Variants in MYEF2 observed in about 807,000 individuals in gnomAD.
MYEF2 encodes the protein myelin expression factor 2, also known as myelin gene expression factor 2.
Under a neutral mutation model 75.2 loss-of-function variants are expected in MYEF2, and 37 were observed. That is an observed-to-expected ratio of 0.49 (90% CI 0.38 to 0.65). The LOEUF (loss-of-function observed/expected upper bound fraction) is 0.65, where lower values mean the gene tolerates loss of function less well. MYEF2 is among the 30% of genes least tolerant of loss of function. The probability of loss-of-function intolerance (pLI) is 0.00; values close to 1 mark genes in which losing one functional copy is unlikely to be tolerated. For missense variants in MYEF2, 634 were observed against 771.4 expected (o/e 0.82, Z 2.11); for synonymous variants, 195 against 241.6 (o/e 0.81, Z 1.79).
At chr15:48,172,194 G>A (rs1242819153) in intron 1 of MYEF2, among the ~76,000 whole-genome samples, 2 of 152,130 alleles carry the variant, frequency 1.3e-5, no homozygotes, top group African/African-American at 4.8e-5. Context: ...GAGGTCAGGA[G>A]TTCGAGATGA....
Position 48,138,918 on chromosome 15 carries a change from C to T in MYEF2, c.*3990G>A. On this transcript the variant is annotated 3_prime_UTR_variant, in exon 17 of 17. Coordinates refer to ENST00000324324, the MANE Select transcript of MYEF2 (RefSeq NM_016132.5). ...TAACTTTCTAAATAGGCATTTCTAACTTAATTAGCCATTTGAGAAAACTCA... is the reference window on the plus strand; with the variant it reads ...TAACTTTCTAAATAGGCATTTCTAATTTAATTAGCCATTTGAGAAAACTCA... 1 of 1,363,042 alleles carries T rather than the reference C, an allele frequency of 7.3e-7. No individual in the cohort carries two copies. The highest frequency in any genetic ancestry group is 2.1e-5 in the Admixed American group (1 of 48,370). The allele number at this position is 1,363,042 out of a possible 1,614,324, so 84.4% of individuals were successfully genotyped here.
At chr15:48,166,824 T>C (rs771092914) in intron 3 of MYEF2, among the ~76,000 whole-genome samples, 2 of 152,046 alleles carry the variant, frequency 1.3e-5, no homozygotes, top group Admixed American at 6.6e-5. Context: ...TGCATTCTTA[T>C]TGCTAAAAAT....
At chr15:48,145,783 G>A (rs954684313) in intron 16 of MYEF2, among the ~76,000 whole-genome samples, 1 of 151,788 alleles carries the variant, frequency 6.6e-6, no homozygotes, top group African/African-American at 2.4e-5. Flanking sequence ...ACATAATAAG[G>A]ATATAAGGGA....
chr15:48,159,162 C>T (rs1436358765), intron 6 of MYEF2, among the ~76,000 whole-genome samples: 2 of 151,964 alleles, frequency 1.3e-5, no homozygotes, highest in Non-Finnish European at 2.9e-5. Context: ...CTGCTCAAAC[C>T]TGTTTTGTAC....
At chr15:48,168,266 A>T (rs2040202002) in intron 2 of MYEF2, among the ~76,000 whole-genome samples, 1 of 152,144 alleles carries the variant, frequency 6.6e-6, no homozygotes, top group Non-Finnish European at 1.5e-5. Context: ...TTGGAAAAAA[A>T]ATAAATAATC....
In MYEF2 at chr15:48,143,049, T is replaced by C; in HGVS notation, c.1662A>G (p.Ile554Met). The C allele has an allele frequency of 6.4e-7, 1 of 1,574,266 alleles. No homozygotes were observed. The change falls in exon 17 of 17, where the codon ATA (isoleucine) becomes ATG (methionine). Residue 554 changes from isoleucine to methionine, a missense_variant. Physicochemically the swap from Ile to Met is conservative, Grantham distance 10. Coordinates refer to ENST00000324324, the MANE Select transcript of MYEF2 (RefSeq NM_016132.5). ...CTTTTGACTTTCCATTCTCCATTTT[T>C]ATTTCTGCAAACATTACATGACCTG... ...SQCGHVMFAEIKMENGKSKGC... is the reference protein window; with the variant it reads ...SQCGHVMFAEMKMENGKSKGC...
chr15:48,165,544 C>T (rs2040103263), intron 5 of MYEF2, among the ~76,000 whole-genome samples: 1 of 151,832 alleles, frequency 6.6e-6, no homozygotes, highest in African/African-American at 2.4e-5. Context: ...TATTCAAATC[C>T]ATAACATATT....
Position 48,158,884 on chromosome 15 carries a change from C to T in MYEF2, c.756G>A (p.Val252=). ...FKVGWKKLKE[V]FSIAGTVKRA... ...GCTTCACAGTTCCAGCTATGCTGAA[C>T]ACTTCCTTTAGCTTCTTCCAACCAA... The change falls in exon 7 of 17, where the codon GTG becomes GTA. Residue 252 remains valine, a synonymous_variant. Transcript: ENST00000324324. 6.2e-7 allele frequency: 1 copy of T among 1,613,662 alleles called. No individual in the cohort carries two copies. Among genetic ancestry groups the T allele is most frequent in the South Asian group, 1.1e-5 (1 of 91,054 alleles).
In MYEF2 at chr15:48,136,711, T is replaced by C. The variant is rs768020597; in HGVS notation, c.*6197A>G. ...TGAAGGGGCTTTACTGCTTTTGATA[T>C]ATGGATTGTATGTTTTGGTGCTGTG... On this transcript the variant is annotated 3_prime_UTR_variant, in exon 17 of 17. Transcript: ENST00000324324. 12 of 1,612,062 alleles carry C rather than the reference T, an allele frequency of 7.4e-6. No homozygotes were observed. Among genetic ancestry groups the C allele is most frequent in the South Asian group, 3.3e-5 (3 of 90,828 alleles).
intron 3 of MYEF2, 57 bp from the exon 4 acceptor site, chr15:48,166,185 C>T: frequency 7.3e-7 from 1 of 1,368,902 alleles, no homozygotes; most frequent in Non-Finnish European, 1.0e-6. Flanking sequence ...TAGATCAGTA[C>T]ATGAAGTTAA....
Position 48,134,808 on chromosome 15 carries a change from C to T in MYEF2, c.*8100G>A. 4 of 1,137,426 alleles carry T rather than the reference C, an allele frequency of 3.5e-6. No homozygotes were observed. Among genetic ancestry groups the T allele is most frequent in the Non-Finnish European group, 5.1e-6 (4 of 786,488 alleles). 70.5% of individuals were successfully genotyped at this position (1,137,426 alleles called of 1,614,324 possible). On this transcript the variant is annotated 3_prime_UTR_variant, in exon 17 of 17. Transcript: ENST00000324324. ...CAATATTTAACTACAAATATATAAA[C>T]AATTTTAGTATTATACTAAGGATTG...
Position 48,178,073 on chromosome 15 carries a change from A to G in MYEF2, c.161+4T>C. On this transcript the variant is annotated splice_donor_region_variant and intron_variant, in intron 1 of 16. Transcript: ENST00000324324. The stretch of plus-strand genomic sequence containing the variant: ...GCCCCGGTTCCCGGAGGAAAAGACA[A>G]TACATTTTAACGCCATTGGAGCTGC... 1.3e-6 allele frequency: 2 copies of G among 1,597,056 alleles called. No individual in the cohort carries two copies. The highest frequency in any genetic ancestry group is 1.7e-6 in the Non-Finnish European group (2 of 1,172,126).
chr15:48,173,232 G>T (rs1245445148), intron 1 of MYEF2, among the ~76,000 whole-genome samples: 1 of 152,062 alleles, frequency 6.6e-6, no homozygotes, highest in Non-Finnish European at 1.5e-5. Flanking sequence ...CAGAATGAAG[G>T]ATTTTTTAAA....
At chr15:48,177,936 G>C in intron 1 of MYEF2, 141 bp downstream of exon 1, 1 of 1,155,814 alleles carries the variant, frequency 8.7e-7, no homozygotes, top group African/African-American at 1.6e-5. Flanking sequence ...AGCTGCACCT[G>C]CTCCTCAGGA....
At position 48,135,236 on chromosome 15, in the gene MYEF2, T is replaced by A. The variant is rs2038868351; in HGVS notation, c.*7672A>T. ...CACTGGAGACCACCACTTTTCCTTCTCCCCACTGGCTGCCTATTCAGAAAG... is the reference window on the plus strand; with the variant it reads ...CACTGGAGACCACCACTTTTCCTTCACCCCACTGGCTGCCTATTCAGAAAG... On this transcript the variant is annotated 3_prime_UTR_variant, in exon 17 of 17. Transcript: ENST00000324324. 6.4e-6 allele frequency: 2 copies of A among 310,744 alleles called. No individual in the cohort carries two copies. The highest frequency in any genetic ancestry group is 1.2e-5 in the Non-Finnish European group (2 of 164,522). 19.2% of individuals were successfully genotyped at this position (310,744 alleles called of 1,614,324 possible). A position where few individuals can be genotyped will look rare whatever the true frequency, so the allele number is the denominator to read the frequency against.
chr15:48,169,027 T>C (rs1214793782), intron 1 of MYEF2, among the ~76,000 whole-genome samples, 188 bp from the exon 2 acceptor site: 2 of 152,176 alleles, frequency 1.3e-5, no homozygotes, highest in African/African-American at 4.8e-5. Flanking sequence ...AAAGCAAGGA[T>C]TTGGTTTCTC....
At chr15:48,160,490 C>CACACAT (rs1567261673) in intron 5 of MYEF2, among the ~76,000 whole-genome samples, 7 of 9,578 alleles carry the variant, frequency 7.3e-4, no homozygotes, top group Non-Finnish European at 2.3e-3. Context: ...CAAACATACA[C>CACACAT]ACACACACAC....
Position 48,168,526 on chromosome 15 carries a change from A to C in MYEF2, c.370+105T>G, listed in dbSNP as rs550172095. The C allele has an allele frequency of 7.1e-6, 6 of 840,658 alleles. No homozygotes were observed. In the Admixed American group the frequency reaches 1.5e-4, roughly 21 times the overall value. 52.1% of individuals were successfully genotyped at this position (840,658 alleles called of 1,614,324 possible). A position where few individuals can be genotyped will look rare whatever the true frequency, so the allele number is the denominator to read the frequency against. ...ATTCACATGTCAAGAAATAAAAATC[A>C]ATTTTTTGAGTCTGTGTGGCTCAGA... On this transcript the variant is annotated intron_variant, in intron 2 of 16. Coordinates refer to ENST00000324324, the MANE Select transcript of MYEF2 (RefSeq NM_016132.5).
rs781419847 is a variant in MYEF2 at position 48,167,334 on chromosome 15, G to A, written c.423+15C>T. ...ACTTTTAAACCTCAAGCAGATTATTGCCCACAGCACTTACCCTTGATTTTC... is the reference window on the plus strand; with the variant it reads ...ACTTTTAAACCTCAAGCAGATTATTACCCACAGCACTTACCCTTGATTTTC... On this transcript the variant is annotated intron_variant, in intron 3 of 16. Transcript: ENST00000324324. The A allele has an allele frequency of 1.9e-6, 3 of 1,612,230 alleles. No individual in the cohort carries two copies. Among genetic ancestry groups the A allele is most frequent in the Non-Finnish European group, 2.5e-6 (3 of 1,178,544 alleles).
Sources: allele counts gnomAD v4.1 joint callset (sites outside exome capture counted in the v4.1 genomes callset), GRCh38; gene constraint gnomAD v4.1.1; transcripts MANE v1.5; gene names NCBI Gene and HGNC (gene_info 2026-07-23, HGNC 2026-07-21).